Variants in MYO9A observed in about 807,000 individuals in gnomAD.
The protein encoded by MYO9A is myosin IXA.
MYO9A carries 103 observed loss-of-function variants against 293.3 expected under a neutral mutation model. The ratio of observed to expected loss-of-function variants is 0.35; its 90% CI spans 0.30 to 0.41. The LOEUF (loss-of-function observed/expected upper bound fraction) is 0.41, where lower values mean the gene tolerates loss of function less well. Ranked by LOEUF, MYO9A falls within the 10% of genes least tolerant of loss-of-function variation. The probability of loss-of-function intolerance (pLI) is 1.00; values close to 1 mark genes in which losing one functional copy is unlikely to be tolerated. For missense variants in MYO9A, 2,685 were observed against 3,033.0 expected, an observed-to-expected ratio of 0.89 and a Z score of 2.69; for synonymous variants, 1,001 against 1,035.7, an observed-to-expected ratio of 0.97 and a Z score of 0.64.
At chr15:72,118,331 T>G (rs2081085583), upstream of MYO9A, 1 of 205,046 alleles carries the variant, frequency 4.9e-6, no homozygotes, top group Non-Finnish European at 9.7e-6. Flanking sequence ...GAACTCAGCT[T>G]TAGATTCTCC....
At chr15:72,107,405 G>A (rs1385865319) in intron 1 of MYO9A, among the ~76,000 whole-genome samples, 4 of 151,842 alleles carry the variant, frequency 2.6e-5, no homozygotes, top group Admixed American at 6.6e-5. Flanking sequence ...AAAAATTAGC[G>A]AAGTATAGTG....
intron 1 of MYO9A, among the ~76,000 whole-genome samples, chr15:72,077,780 T>TAC (rs2079417839): frequency 9.0e-6 from 1 of 111,640 alleles, no homozygotes; most frequent in African/African-American, 3.1e-5. Context: ...TATATATATA[T>TAC]AAACACATAA....
Position 71,878,173 on chromosome 15 carries a change from A to C in MYO9A, c.5798T>G (p.Leu1933Arg). ...KDLYALFEQILEKTMRLEQRD... is the reference protein window; with the variant it reads ...KDLYALFEQIREKTMRLEQRD... ...CTGCTCAAGCCTCATCGTCTTTTCC[A>C]GAATCTGTTCAAATAGTGCATAGAG... The change falls in exon 31 of 42, where the codon CTG becomes CGG. Residue 1933 changes from leucine (L) to arginine (R), a missense_variant. Physicochemically the swap from Leu to Arg is moderately radical, Grantham distance 102. Around this residue, in one of 10 missense-constraint regions of MYO9A, gnomAD observed 1,434 missense variants for 1,497.7 expected, o/e 0.96. Coordinates refer to ENST00000356056, the MANE Select transcript of MYO9A (RefSeq NM_006901.4). 3.1e-6 allele frequency: 5 copies of C among 1,612,148 alleles called. No individual in the cohort carries two copies. The highest frequency in any genetic ancestry group is 4.2e-6 in the Non-Finnish European group (5 of 1,179,428).
At chr15:72,055,680 A>C (rs2078697933) in intron 1 of MYO9A, among the ~76,000 whole-genome samples, 1 of 152,220 alleles carries the variant, frequency 6.6e-6, no homozygotes, top group Admixed American at 6.5e-5. Flanking sequence ...TCTCAAAAGA[A>C]GATACACAAA....
intron 17 of MYO9A, among the ~76,000 whole-genome samples, chr15:71,934,819 TG>T: frequency 8.2e-6 from 1 of 121,452 alleles, no homozygotes; most frequent in Non-Finnish European, 1.7e-5. Flanking sequence ...TTTGGAGAGA[TG>T]GGGTCTCTAT....
intron 1 of MYO9A, among the ~76,000 whole-genome samples, chr15:72,071,478 C>T (rs2079189052): frequency 1.3e-5 from 2 of 152,182 alleles, no homozygotes; most frequent in Non-Finnish European, 2.9e-5. Context: ...CAGTGGCTCA[C>T]GCCTGTAATC....
At chr15:71,855,990 A>T (rs2141490343) in intron 34 of MYO9A, among the ~76,000 whole-genome samples, 1 of 152,178 alleles carries the variant, frequency 6.6e-6, no homozygotes, top group South Asian at 2.1e-4. Context: ...GTACCAAGGA[A>T]ACAAAATCAA....
intron 16 of MYO9A, 98 bp downstream of exon 16, chr15:71,938,754 C>A (rs528366972): frequency 3.0e-6 from 3 of 1,013,638 alleles, no homozygotes; most frequent in Admixed American, 5.6e-5. Flanking sequence ...ACAAAACAAG[C>A]CTGAATTACT....
chr15:72,026,168 G>A (rs1170781608), intron 4 of MYO9A, among the ~76,000 whole-genome samples: 3 of 151,366 alleles, frequency 2.0e-5, no homozygotes, highest in Non-Finnish European at 2.9e-5. Flanking sequence ...AGCTACTTGG[G>A]AGGCTGAGGC....
At chr15:71,879,955 T>C in intron 29 of MYO9A, 118 bp from the exon 30 acceptor site, 1 of 699,246 alleles carries the variant, frequency 1.4e-6, no homozygotes, top group South Asian at 1.8e-5. Context: ...AGCCACAGGC[T>C]ATTATAGGAC....
chr15:71,958,873 G>C (rs2059262846), intron 14 of MYO9A: 1 of 152,130 alleles, frequency 6.6e-6, no homozygotes, highest in Non-Finnish European at 1.5e-5. Context: ...ACAAATAATA[G>C]ATTTTAAATG....
intron 14 of MYO9A, among the ~76,000 whole-genome samples, chr15:71,955,725 C>A (rs112368039): frequency 6.6e-6 from 1 of 152,076 alleles, no homozygotes; most frequent in Non-Finnish European, 1.5e-5. Context: ...TTAAAGTATA[C>A]AATTAAATGC....
chr15:72,005,859 A>G (rs567203912), intron 8 of MYO9A, among the ~76,000 whole-genome samples: 9 of 152,358 alleles, frequency 5.9e-5, no homozygotes, highest in African/African-American at 2.2e-4. Context: ...GTCAGTTTAG[A>G]CCACTTAAGG....
chr15:71,989,676 A>T (rs1453765951), intron 11 of MYO9A, among the ~76,000 whole-genome samples: 1 of 152,286 alleles, frequency 6.6e-6, no homozygotes, highest in Admixed American at 6.5e-5. Flanking sequence ...AGAAAAAAAC[A>T]ATCAACACCA....
Position 71,879,827 on chromosome 15 carries a change from A to T in MYO9A, c.5633T>A (p.Leu1878Gln), listed in dbSNP as rs2056819020. The T allele has an allele frequency of 6.2e-7, 1 of 1,609,418 alleles. No individual in the cohort carries two copies. The highest frequency in any genetic ancestry group is 2.2e-5 in the East Asian group (1 of 44,816). The part of the protein sequence containing the change: ...DEFLLKKVND[L>Q]DNEDSKKDTL... ...ATCCTTCTTGCTGTCTTCATTATCT[A>T]GGTCATTCACCTGGGAACCACAAAA... is the stretch of plus-strand genomic sequence containing the variant. Residue 1878 changes from leucine to glutamine, a missense_variant, in exon 30 of 42, where the codon CTA (leucine) becomes CAA (glutamine). Transcript: ENST00000356056.
chr15:71,958,081 A>G (rs996139135), intron 14 of MYO9A, among the ~76,000 whole-genome samples: 1 of 152,152 alleles, frequency 6.6e-6, no homozygotes, highest in African/African-American at 2.4e-5. Flanking sequence ...AACATACTGT[A>G]ATTCTGCAGA....
chr15:71,907,812 G>T (rs1208153651), intron 19 of MYO9A, among the ~76,000 whole-genome samples: 2 of 151,954 alleles, frequency 1.3e-5, no homozygotes, highest in Non-Finnish European at 2.9e-5. Context: ...TCTTGTAAAT[G>T]TGTTTGAGTT....
At chr15:72,080,658 T>A (rs1405402614) in intron 1 of MYO9A, among the ~76,000 whole-genome samples, 1 of 152,112 alleles carries the variant, frequency 6.6e-6, no homozygotes, top group African/African-American at 2.4e-5. Context: ...AGGTTTCTTA[T>A]AAAGGTTAAC....
In MYO9A at chr15:71,823,621, T is replaced by A. The variant is rs1170602887; in HGVS notation, c.*2959A>T. The A allele has an allele frequency of 6.6e-6, 1 of 152,268 alleles. No homozygotes were observed. Among genetic ancestry groups the A allele is most frequent in the Non-Finnish European group, 1.5e-5 (1 of 68,046 alleles). The allele number at this position is 152,268 out of a possible 1,614,324, so 9.4% of individuals were successfully genotyped here. ...GTATTTGCTGTTGATTTGCTTCAATTTGTGATACAGAATGAAATCACACTT... is the reference window on the plus strand; with the variant it reads ...GTATTTGCTGTTGATTTGCTTCAATATGTGATACAGAATGAAATCACACTT... On this transcript the variant is annotated 3_prime_UTR_variant, in exon 42 of 42. Coordinates refer to ENST00000356056, the MANE Select transcript of MYO9A (RefSeq NM_006901.4).
Sources: gnomAD v4.1 joint callset for allele counts (sites outside exome capture counted in the v4.1 genomes callset) on GRCh38, gnomAD v4.1.1 for gene constraint, gnomAD v4.1.1 regional missense constraint, MANE v1.5 for transcripts, NCBI Gene and HGNC (gene_info 2026-07-23, HGNC 2026-07-21) for gene names.